The following PGAM1 variants were observed in gnomAD, a reference collection of about 807,000 sequenced individuals.
PGAM1 encodes phosphoglycerate mutase 1.
Under a neutral mutation model 23.5 loss-of-function variants are expected in PGAM1, and 21 were observed. That is an observed-to-expected ratio of 0.89 (90% CI 0.63 to 1.29). The LOEUF (loss-of-function observed/expected upper bound fraction) is 1.29. PGAM1 is among the 50% of genes most tolerant of loss of function. PGAM1 has a pLI of 0.00. For synonymous variants in PGAM1, 109 were observed against 128.6 expected (o/e 0.85, Z 1.03); for missense variants, 232 against 336.3 (o/e 0.69, Z 2.42).
In PGAM1 at chr10:97,426,236, G is replaced by A; in HGVS notation, c.-72G>A. The A allele has an allele frequency of 6.2e-7, 1 of 1,605,282 alleles. No individual in the cohort carries two copies. Among genetic ancestry groups the A allele is most frequent in the Non-Finnish European group, 8.5e-7 (1 of 1,176,078 alleles). ...GACTGAGCGGTGCGAGCGCGCAGGC[G>A]CGGCCGACGGGGCGGGCTGCTACTC... On this transcript the variant is annotated 5_prime_UTR_variant, in exon 1 of 4. Coordinates refer to ENST00000334828, the MANE Select transcript of PGAM1 (RefSeq NM_002629.4).
At chr10:97,431,612 C>T (rs1319726807) in intron 3 of PGAM1, among the ~76,000 whole-genome samples, 1 of 151,816 alleles carries the variant, frequency 6.6e-6, no homozygotes, top group Non-Finnish European at 1.5e-5. Flanking sequence ...GACTGCATCT[C>T]TACAAAATTT....
chr10:97,427,686 T>G, intron 1 of PGAM1: 1 of 1,222,230 alleles, frequency 8.2e-7, no homozygotes, highest in East Asian at 5.8e-5. Context: ...CTTTGTGGTG[T>G]TGGAATGCTA....
At chr10:97,429,359 C>G (rs1845444619) in intron 1 of PGAM1, among the ~76,000 whole-genome samples, 1 of 152,120 alleles carries the variant, frequency 6.6e-6, no homozygotes, top group African/African-American at 2.4e-5. Flanking sequence ...CCACCTCGGC[C>G]TCCCAAAGTG....
chr10:97,426,261 C>T lies in PGAM1; in HGVS notation c.-47C>T, dbSNP rs774421339. On this transcript the variant is annotated 5_prime_UTR_variant, in exon 1 of 4. Coordinates refer to ENST00000334828, the MANE Select transcript of PGAM1 (RefSeq NM_002629.4). The stretch of plus-strand genomic sequence containing the variant: ...GCGGCCGACGGGGCGGGCTGCTACT[C>T]CGGAATCTGCTAATCCCAGTCGGTG... 9 of 1,609,514 alleles carry T rather than the reference C, an allele frequency of 5.6e-6. No homozygotes were observed. The highest frequency in any genetic ancestry group is 6.8e-6 in the Non-Finnish European group (8 of 1,178,954).
chr10:97,426,209 C>T lies in PGAM1; in HGVS notation c.-99C>T. ...TTTGGGCGAGAACTTGCGCGGGAGC[C>T]GGACTGAGCGGTGCGAGCGCGCAGG... On this transcript the variant is annotated 5_prime_UTR_variant, in exon 1 of 4. Transcript: ENST00000334828. 5 of 1,563,550 alleles carry T rather than the reference C, an allele frequency of 3.2e-6. No individual in the cohort carries two copies. The South Asian group carries it at 3.4e-5, about 11-fold the overall frequency.
rs776549251 is a variant in PGAM1, at chr10:97,431,078, CGT to C, written c.541_542del (p.Val181ThrfsTer21). 3.1e-6 allele frequency: 5 copies of C among 1,614,130 alleles called. No homozygotes were observed. On this transcript the variant is annotated frameshift_variant, in exon 3 of 4. Coordinates refer to ENST00000334828, the MANE Select transcript of PGAM1 (RefSeq NM_002629.4). LOFTEE classifies it high-confidence loss of function. ...AGTTCCCCAGATCAAGGAGGGGAAA[CGT>C]GTACTGATTGCAGCCCATGGCAACA... ...EIVPQIKEGK[R>X]VLIAAHGNSL...
In PGAM1 at chr10:97,430,348, T is replaced by A. The variant is rs551677267; in HGVS notation, c.140-31T>A. The A allele has an allele frequency of 4.3e-6, 7 of 1,611,718 alleles. No homozygotes were observed. In the South Asian group the frequency reaches 6.6e-5, roughly 15 times the overall value. On this transcript the variant is annotated intron_variant, in intron 1 of 3. Coordinates refer to ENST00000334828, the MANE Select transcript of PGAM1 (RefSeq NM_002629.4). ...CATTTTGGCTCAGAGTAGACCTGGT[T>A]AGCTTATCACTTTGAACTTCTGATT... is the stretch of plus-strand genomic sequence containing the variant.
At chr10:97,430,085 A>G (rs140578861) in intron 1 of PGAM1, among the ~76,000 whole-genome samples, 25 of 151,980 alleles carry the variant, frequency 1.6e-4, no homozygotes, top group Middle Eastern at 3.4e-3. Flanking sequence ...TGACAGTTCT[A>G]ACTGAAATGC....
At chr10:97,432,241 G>A in intron 3 of PGAM1, 114 bp from the exon 4 acceptor site, 1 of 1,372,260 alleles carries the variant, frequency 7.3e-7, no homozygotes, top group Non-Finnish European at 1.0e-6. Flanking sequence ...AGATCAGAAA[G>A]GGTGTCTTAT....
intron 2 of PGAM1, 73 bp from the exon 3 acceptor site, chr10:97,430,882 A>G: frequency 6.3e-7 from 1 of 1,595,496 alleles, no homozygotes; most frequent in Non-Finnish European, 8.6e-7. Flanking sequence ...ATGGGCCAAA[A>G]TCGATACATC....
intron 1 of PGAM1, chr10:97,427,899 C>T (rs1208918431): frequency 3.9e-6 from 5 of 1,289,174 alleles, no homozygotes; most frequent in Non-Finnish European, 5.1e-6. Context: ...TACCATCCTT[C>T]TCAAATGAAG....
At chr10:97,430,794 TA>T in intron 2 of PGAM1, 141 bp downstream of exon 2, 1 of 1,451,774 alleles carries the variant, frequency 6.9e-7, no homozygotes, top group Non-Finnish European at 9.6e-7. Flanking sequence ...CTTCACTTAC[TA>T]GAAGATATGG....
At position 97,430,610 on chromosome 10, in the gene PGAM1, C is replaced by A; in HGVS notation, c.371C>A (p.Pro124His). 6.2e-7 allele frequency: 1 copy of A among 1,602,560 alleles called. No homozygotes were observed. The highest frequency in any genetic ancestry group is 8.5e-7 in the Non-Finnish European group (1 of 1,179,974). ...AGGCGCTCCTATGATGTCCCACCAC[C>A]TCCGATGGAGCCCGACCATCCTTTC... ...IWRRSYDVPP[P>H]PMEPDHPFYS... Residue 124 changes from proline to histidine, a missense_variant, in exon 2 of 4, where the codon CCT (proline) becomes CAT (histidine). Physicochemically the swap from Pro to His is moderately conservative, Grantham distance 77. Transcript: ENST00000334828.
At chr10:97,429,982 G>A (rs976085555) in intron 1 of PGAM1, among the ~76,000 whole-genome samples, 36 of 149,970 alleles carry the variant, frequency 2.4e-4, no homozygotes, top group Non-Finnish European at 7.4e-5. Context: ...GGAGGCGGAG[G>A]TTGCAGTGAG....
chr10:97,430,233 A>G (rs548486101), intron 1 of PGAM1, 146 bp from the exon 2 acceptor site: 2 of 951,762 alleles, frequency 2.1e-6, no homozygotes, highest in African/African-American at 3.2e-5. Flanking sequence ...GATAGAGTGC[A>G]AGGATAAACA....
chr10:97,431,111 C>T lies in PGAM1; in HGVS notation c.571C>T (p.Arg191Trp), dbSNP rs752355661. ...GATTGCAGCCCATGGCAACAGCCTC[C>T]GGGGCATTGTCAAGCATCTGGAGGG... is the stretch of plus-strand genomic sequence containing the variant. ...VLIAAHGNSL[R>W]GIVKHLEGLS... Residue 191 changes from arginine (R) to tryptophan (W), a missense_variant, in exon 3 of 4, where the codon CGG becomes TGG. By Grantham distance (101) the Arg-to-Trp change is moderately radical. This residue lies in a region of PGAM1 where 191 missense variants were observed against 241.7 expected (regional missense o/e 0.79). Transcript: ENST00000334828. The T allele has an allele frequency of 5.6e-6, 9 of 1,614,016 alleles. No individual in the cohort carries two copies. The highest frequency in any genetic ancestry group is 1.7e-5 in the Admixed American group (1 of 59,988).
intron 1 of PGAM1, among the ~76,000 whole-genome samples, chr10:97,429,525 T>C (rs969400639): frequency 6.6e-6 from 1 of 152,212 alleles, no homozygotes; most frequent in African/African-American, 2.4e-5. Context: ...CTTTCTTTAG[T>C]GAGTGGCTTC....
chr10:97,429,877 C>A (rs1045339476), intron 1 of PGAM1, among the ~76,000 whole-genome samples: 4 of 151,884 alleles, frequency 2.6e-5, no homozygotes, highest in Non-Finnish European at 5.9e-5. Context: ...GAAACCTTGT[C>A]TCTACTAAAA....
At position 97,432,979 on chromosome 10, in the gene PGAM1, C is replaced by T. The variant is rs1055595032; in HGVS notation, c.*455C>T. 3.4e-4 allele frequency: 58 copies of T among 170,844 alleles called. 1 individual carries two copies. The highest frequency in any genetic ancestry group is 1.2e-3 in the Admixed American group (21 of 16,866). 10.6% of individuals were successfully genotyped at this position (170,844 alleles called of 1,614,324 possible). On this transcript the variant is annotated 3_prime_UTR_variant, in exon 4 of 4. Coordinates refer to ENST00000334828, the MANE Select transcript of PGAM1 (RefSeq NM_002629.4). Reference sequence around the variant, plus strand: ...GGGCTCTAGTCATTCCAGTGGAAGACGAATGTAACCTGCGTGGTGATGTGA... The same window carrying T: ...GGGCTCTAGTCATTCCAGTGGAAGATGAATGTAACCTGCGTGGTGATGTGA...
Sources: allele counts gnomAD v4.1 joint callset (sites outside exome capture counted in the v4.1 genomes callset), GRCh38; gene constraint gnomAD v4.1.1; regional missense constraint gnomAD v4.1.1; transcripts MANE v1.5; gene names NCBI Gene and HGNC (gene_info 2026-07-23, HGNC 2026-07-21).